Variants in DNAH14 observed in about 807,000 individuals in gnomAD.
The protein encoded by DNAH14 is dynein axonemal heavy chain 14.
Under a neutral mutation model 520.9 loss-of-function variants are expected in DNAH14, and 478 were observed. That is an observed-to-expected ratio of 0.92 (90% CI 0.85 to 0.99). DNAH14 has a LOEUF of 0.99. Ranked by LOEUF, DNAH14 falls within the 50% of genes least tolerant of loss-of-function variation. DNAH14 has a pLI of 0.00. For missense variants in DNAH14, 4,831 were observed against 5,234.5 expected (o/e 0.92, Z 2.38); for synonymous variants, 1,581 against 1,757.2 (o/e 0.90, Z 2.51).
At chr1:225,228,763 A>G (rs2090805384) in intron 41 of DNAH14, among the ~76,000 whole-genome samples, 1 of 152,146 alleles carries the variant, frequency 6.6e-6, no homozygotes, top group Admixed American at 6.5e-5. Context: ...TCTTCAATCA[A>G]CAAAACCTGA....
chr1:225,073,662 TTTG>T (rs138861152), intron 17 of DNAH14, among the ~76,000 whole-genome samples: 15,953 of 151,822 alleles, frequency 0.11, 1,668 homozygotes, highest in African/African-American at 0.27. Context: ...TTTTCAGTTT[TTTG>T]TTGTTGTTGT....
At chr1:225,055,789 G>C (rs2069000720) in intron 17 of DNAH14, among the ~76,000 whole-genome samples, 1 of 150,392 alleles carries the variant, frequency 6.6e-6, no homozygotes, top group South Asian at 2.1e-4. Flanking sequence ...TGTGGTGTTT[G>C]GTTTTTTGTC....
At chr1:225,335,135 A>G (rs1440897790) in intron 66 of DNAH14, among the ~76,000 whole-genome samples, 11 of 127,098 alleles carry the variant, frequency 8.7e-5, no homozygotes, top group Admixed American at 8.0e-4. Flanking sequence ...ACATATGTGC[A>G]TGTGCACATG....
At chr1:225,168,757 C>T (rs913918911) in intron 36 of DNAH14, among the ~76,000 whole-genome samples, 5 of 152,180 alleles carry the variant, frequency 3.3e-5, no homozygotes, top group Non-Finnish European at 5.9e-5. Flanking sequence ...TAGCAGAAAC[C>T]TCTGCAGACT....
At chr1:225,394,221 G>A (rs929892091) in intron 84 of DNAH14, among the ~76,000 whole-genome samples, 37 of 152,242 alleles carry the variant, frequency 2.4e-4, no homozygotes, top group African/African-American at 8.9e-4. Context: ...CCTCTTTTGT[G>A]AAGATTCTGT....
At chr1:225,296,968 T>G (rs998434974) in intron 55 of DNAH14, among the ~76,000 whole-genome samples, 3 of 152,192 alleles carry the variant, frequency 2.0e-5, no homozygotes, top group East Asian at 1.9e-4. Context: ...TAGGCTTTTT[T>G]GGGGTTGAAT....
intron 11 of DNAH14, among the ~76,000 whole-genome samples, chr1:225,034,515 T>TTGTGTGTGTGTGTGTG (rs71170047): frequency 0.017 from 2,494 of 147,704 alleles, 46 homozygotes; most frequent in East Asian, 0.055. Flanking sequence ...TGGCTTGAAT[T>TTGTGTGTGTGTGTGTG]TGTGTGTGTG....
intron 43 of DNAH14, among the ~76,000 whole-genome samples, chr1:225,242,161 G>A (rs991221920): frequency 2.3e-4 from 35 of 152,238 alleles, no homozygotes; most frequent in African/African-American, 8.4e-4. Flanking sequence ...TTGAGCCCAA[G>A]AGTTGGAGGC....
chr1:225,249,680 A>G (rs548071673), intron 43 of DNAH14, among the ~76,000 whole-genome samples: 104 of 152,344 alleles, frequency 6.8e-4, no homozygotes, highest in Admixed American at 1.6e-3. Flanking sequence ...GAGTGGTGCA[A>G]CCATCACCAT....
chr1:225,303,674 C>G (rs1157369806), intron 57 of DNAH14, among the ~76,000 whole-genome samples: 1 of 152,116 alleles, frequency 6.6e-6, no homozygotes, highest in East Asian at 1.9e-4. Flanking sequence ...ATGCTGCAAC[C>G]TTCTGTGTAT....
chr1:225,344,764 G>A (rs2095261359), intron 69 of DNAH14, among the ~76,000 whole-genome samples: 1 of 151,428 alleles, frequency 6.6e-6, no homozygotes, highest in African/African-American at 2.4e-5. Context: ...TGCCACACTA[G>A]AGTGCAGTGG....
intron 44 of DNAH14, among the ~76,000 whole-genome samples, chr1:225,256,418 G>A (rs368196177): frequency 6.6e-5 from 10 of 151,968 alleles, no homozygotes; most frequent in East Asian, 3.9e-4. Flanking sequence ...GGTCAACTGC[G>A]GCAGGATTGG....
chr1:225,020,921 C>T (rs1424878885), intron 10 of DNAH14, among the ~76,000 whole-genome samples: 1 of 152,108 alleles, frequency 6.6e-6, no homozygotes, highest in Non-Finnish European at 1.5e-5. Context: ...CAACGTAGTA[C>T]AGCAAACTGA....
At chr1:225,047,825 C>T (rs185073820) in intron 15 of DNAH14, among the ~76,000 whole-genome samples, 3 of 152,318 alleles carry the variant, frequency 2.0e-5, no homozygotes, top group South Asian at 2.1e-4. Flanking sequence ...CCTTTTCTTT[C>T]CCACCCTCTT....
intron 77 of DNAH14, among the ~76,000 whole-genome samples, chr1:225,373,356 G>A (rs3898103): frequency 4.0e-5 from 6 of 151,896 alleles, no homozygotes; most frequent in African/African-American, 7.3e-5. Context: ...TCCCAGCTAC[G>A]CGGGAGGCTG....
chr1:225,164,651 T>G (rs2149176884), intron 35 of DNAH14, among the ~76,000 whole-genome samples: 1 of 152,294 alleles, frequency 6.6e-6, no homozygotes, highest in East Asian at 1.9e-4. Context: ...AAGACTGACA[T>G]TCATGCCTCT....
chr1:225,250,265 A>G (rs2092482514), intron 43 of DNAH14, among the ~76,000 whole-genome samples: 1 of 152,176 alleles, frequency 6.6e-6, no homozygotes, highest in African/African-American at 2.4e-5. Flanking sequence ...TGTCTTTCTC[A>G]TTTATTATAG....
chr1:225,343,995 G>C (rs1028241491), intron 69 of DNAH14, among the ~76,000 whole-genome samples: 4 of 152,044 alleles, frequency 2.6e-5, no homozygotes, highest in African/African-American at 9.7e-5. Context: ...AAGTGAAAAG[G>C]GGTTTAAGAT....
chr1:225,194,795 A>T (rs763407753), intron 38 of DNAH14, among the ~76,000 whole-genome samples: 2 of 151,386 alleles, frequency 1.3e-5, no homozygotes, highest in Non-Finnish European at 3.0e-5. Flanking sequence ...TCTGGAATCC[A>T]TAAGAAACTT....
Sources: allele counts gnomAD v4.1 joint callset (sites outside exome capture counted in the v4.1 genomes callset), GRCh38; gene constraint gnomAD v4.1.1; transcripts MANE v1.5; gene names NCBI Gene and HGNC (gene_info 2026-07-23, HGNC 2026-07-21).